The following CALD1 variants were observed in gnomAD, a reference collection of about 807,000 sequenced individuals.
CALD1 encodes the protein caldesmon.
A neutral mutation model predicts 99.9 loss-of-function variants in CALD1; 33 were observed. The ratio of observed to expected loss-of-function variants is 0.33; its 90% CI spans 0.25 to 0.44. The LOEUF (loss-of-function observed/expected upper bound fraction) is 0.44. CALD1 is among the 20% of genes least tolerant of loss of function. CALD1 has a pLI of 1.00. For missense variants in CALD1, 861 were observed against 962.1 expected (o/e 0.89, Z 1.39); for synonymous variants, 310 against 325.0 (o/e 0.95, Z 0.50).
intron 2 of CALD1, among the ~76,000 whole-genome samples, chr7:134,865,133 T>A (rs1800746553): frequency 6.6e-6 from 1 of 151,452 alleles, no homozygotes; most frequent in South Asian, 2.1e-4. Flanking sequence ...GGGCAGGAAA[T>A]GAGGGATTAC....
the CALD1 span, among the ~76,000 whole-genome samples, chr7:134,727,250 G>T: frequency 1.3e-5 from 2 of 152,234 alleles, no homozygotes; most frequent in South Asian, 4.1e-4. Context: ...CATGGATTCA[G>T]ATTCTACTGA....
chr7:134,733,625 G>A, the CALD1 span, among the ~76,000 whole-genome samples: 1 of 151,806 alleles, frequency 6.6e-6, no homozygotes, highest in Non-Finnish European at 1.5e-5. Flanking sequence ...TGGCTAACAT[G>A]GTGAAACCCC....
At position 134,968,560 on chromosome 7, in the gene CALD1, GTT is replaced by G; in HGVS notation, c.*217_*218del. ...AAGTACTGCCTTTGCACAGGAGCCT[GTT>G]TCTAAAGAAACCCATGCTGTGAAAT... On this transcript the variant is annotated 3_prime_UTR_variant, in exon 15 of 15. Coordinates refer to ENST00000361675, the MANE Select transcript of CALD1 (RefSeq NM_033138.4). The G allele has an allele frequency of 1.4e-6, 1 of 701,434 alleles. No individual in the cohort carries two copies. Among genetic ancestry groups the G allele is most frequent in the Non-Finnish European group, 2.6e-6 (1 of 382,144 alleles). 43.5% of individuals were successfully genotyped at this position (701,434 alleles called of 1,614,324 possible). A position where few individuals can be genotyped will look rare whatever the true frequency, so the allele number is the denominator to read the frequency against.
intron 3 of CALD1, chr7:134,920,531 G>T: frequency 8.3e-7 from 1 of 1,210,938 alleles, no homozygotes; most frequent in Non-Finnish European, 1.1e-6. Flanking sequence ...TGGCCTTCAT[G>T]GGGAGTGTAT....
rs139969407 is a variant in CALD1, at chr7:134,748,088, C to T, written c.-130+3725C>T. Reference sequence around the variant, plus strand: ...GCAAGGCAGGACCTCTGCCCCAGCACCTAGACAGTGGAACACTGAGCCAAA... The same window carrying T: ...GCAAGGCAGGACCTCTGCCCCAGCATCTAGACAGTGGAACACTGAGCCAAA... On this transcript the variant is annotated intron_variant, in intron 1 of 13. Transcript: ENST00000417172. 2.6e-3 allele frequency among the ~76,000 whole-genome samples: 398 copies of T among 152,376 alleles called. 2 individuals are homozygous for T. The highest frequency in any genetic ancestry group is 9.1e-3 in the African/African-American group (377 of 41,590).
At chr7:134,875,632 T>C (rs1801312385) in intron 3 of CALD1, among the ~76,000 whole-genome samples, 1 of 152,170 alleles carries the variant, frequency 6.6e-6, no homozygotes. Flanking sequence ...AGCGAATGCT[T>C]TGCTCACCCC....
At chr7:134,912,890 G>T (rs1225793015) in intron 3 of CALD1, among the ~76,000 whole-genome samples, 2 of 152,126 alleles carry the variant, frequency 1.3e-5, no homozygotes, top group African/African-American at 4.8e-5. Flanking sequence ...CATGGTTAGT[G>T]GGGCAGATTT....
At chr7:134,898,774 C>T (rs369979373) in intron 3 of CALD1, among the ~76,000 whole-genome samples, 1 of 152,036 alleles carries the variant, frequency 6.6e-6, no homozygotes, top group African/African-American at 2.4e-5. Flanking sequence ...AGGCTGGTCT[C>T]GAACTCCTGA....
intron 1 of CALD1, among the ~76,000 whole-genome samples, chr7:134,834,332 A>T (rs1435087722): frequency 6.6e-6 from 1 of 152,260 alleles, no homozygotes; most frequent in Non-Finnish European, 1.5e-5. Flanking sequence ...TGTTTAGCCC[A>T]TGATGGCAGT....
At chr7:134,766,141 CTTTTTTTTTTTTTT>C (rs71172475) in intron 1 of CALD1, among the ~76,000 whole-genome samples, 235 of 70,826 alleles carry the variant, frequency 3.3e-3, no homozygotes, top group African/African-American at 0.013. Context: ...CTTTTCTTTT[CTTTTTTTTTTTTTT>C]TTTTTTTTTT....
At chr7:134,958,569 C>G (rs1807962002) in intron 11 of CALD1, among the ~76,000 whole-genome samples, 1 of 151,832 alleles carries the variant, frequency 6.6e-6, no homozygotes, top group South Asian at 2.1e-4. Flanking sequence ...CCACACTTGG[C>G]TAATTTTTGT....
At chr7:134,793,345 T>C (rs1240653255) in intron 1 of CALD1, among the ~76,000 whole-genome samples, 2 of 150,428 alleles carry the variant, frequency 1.3e-5, no homozygotes, top group African/African-American at 5.0e-5. Context: ...ATTTGTCTCT[T>C]GTCTTTATTT....
chr7:134,954,275 A>C (rs1278862936), intron 9 of CALD1, among the ~76,000 whole-genome samples: 1 of 152,234 alleles, frequency 6.6e-6, no homozygotes, highest in Non-Finnish European at 1.5e-5. Flanking sequence ...AATTAAATTC[A>C]AAGATTTTTT....
chr7:134,834,090 G>T (rs1489107793), intron 1 of CALD1, among the ~76,000 whole-genome samples: 3 of 152,196 alleles, frequency 2.0e-5, no homozygotes, highest in African/African-American at 7.2e-5. Flanking sequence ...CATTTCTGAT[G>T]ATACGTCAGA....
intron 1 of CALD1, among the ~76,000 whole-genome samples, chr7:134,813,801 C>T (rs763111837): frequency 9.9e-5 from 15 of 152,198 alleles, no homozygotes; most frequent in Non-Finnish European, 1.9e-4. Context: ...AGCTTAGCTG[C>T]GTGTTTTCCT....
At chr7:134,943,101 G>A (rs1330845866) in intron 7 of CALD1, among the ~76,000 whole-genome samples, 1 of 152,126 alleles carries the variant, frequency 6.6e-6, no homozygotes, top group East Asian at 1.9e-4. Flanking sequence ...AGAAGTTCAC[G>A]CTGATTGAAG....
chr7:134,770,460 C>A (rs974270915), intron 1 of CALD1, among the ~76,000 whole-genome samples: 1 of 152,150 alleles, frequency 6.6e-6, no homozygotes, highest in African/African-American at 2.4e-5. Flanking sequence ...CTGCACCCCA[C>A]GCCTCCCTTC....
chr7:134,872,376 A>AC (rs1801136989), intron 3 of CALD1, among the ~76,000 whole-genome samples: 2 of 132,260 alleles, frequency 1.5e-5, no homozygotes, highest in African/African-American at 6.2e-5. Context: ...AAAAAAAAAA[A>AC]AAAAAACTTC....
intron 11 of CALD1, 64 bp from the exon 12 acceptor site, chr7:134,959,910 T>C: frequency 6.5e-7 from 1 of 1,536,952 alleles, no homozygotes; most frequent in Non-Finnish European, 8.8e-7. Flanking sequence ...GAAGACAAAC[T>C]CACTATAATT....
Sources: gnomAD v4.1 joint callset for allele counts (sites outside exome capture counted in the v4.1 genomes callset) on GRCh38, gnomAD v4.1.1 for gene constraint, MANE v1.5 for transcripts, NCBI Gene and HGNC (gene_info 2026-07-23, HGNC 2026-07-21) for gene names.